TG: variants seen among roughly 807,000 people sequenced by gnomAD.
The protein encoded by TG is thyroglobulin, also known as thyroid hormones.
A neutral mutation model predicts 324.7 loss-of-function variants in TG; 270 were observed. The ratio of observed to expected loss-of-function variants is 0.83; its 90% CI spans 0.75 to 0.92. The LOEUF is 0.92. Ranked by LOEUF, TG falls within the 40% of genes least tolerant of loss-of-function variation. The pLI, the probability that TG is intolerant of heterozygous loss-of-function variation, is 0.00. For missense variants in TG, 3,591 were observed against 3,456.4 expected (o/e 1.04, Z -0.98); for synonymous variants, 1,401 against 1,327.0 (o/e 1.06, Z -1.21).
chr8:133,060,709 A>C (rs534601918), intron 41 of TG, among the ~76,000 whole-genome samples: 2 of 152,296 alleles, frequency 1.3e-5, no homozygotes, highest in African/African-American at 2.4e-5. Flanking sequence ...AAAGAGGAAA[A>C]CTTCATAACA....
chr8:133,090,124 A>G lies in TG; in HGVS notation c.7240-4920A>G, dbSNP rs185860147. 3 of 152,344 alleles carry G rather than the reference A, an allele frequency of 2.0e-5. No individual in the cohort carries two copies. The East Asian group carries it at 5.8e-4, about 29-fold the overall frequency. The allele number at this position is 152,344 out of a possible 1,614,324, so 9.4% of individuals were successfully genotyped here. A position where few individuals can be genotyped will look rare whatever the true frequency, so the allele number is the denominator to read the frequency against. On this transcript the variant is annotated intron_variant, in intron 41 of 47. Transcript: ENST00000220616. ...TTTGTGACTCACTTTGCCTGGAATA[A>G]AATAGAGTCAAAAGAAATACAAGGT...
At chr8:133,088,406 T>G (rs1427480643) in intron 41 of TG, among the ~76,000 whole-genome samples, 2 of 152,150 alleles carry the variant, frequency 1.3e-5, no homozygotes, top group African/African-American at 4.8e-5. Context: ...TAGCACAGTG[T>G]GGGGGGAACA....
At chr8:132,963,458 G>A (rs1828056969) in intron 29 of TG, among the ~76,000 whole-genome samples, 1 of 152,198 alleles carries the variant, frequency 6.6e-6, no homozygotes, top group Non-Finnish European at 1.5e-5. Context: ...TGACATGTCT[G>A]TGAGAATCTT....
At chr8:133,081,077 A>C (rs1437666398) in intron 41 of TG, among the ~76,000 whole-genome samples, 2 of 152,272 alleles carry the variant, frequency 1.3e-5, no homozygotes, top group Non-Finnish European at 2.9e-5. Flanking sequence ...GATGTTACTA[A>C]TACTACTTTA....
rs556346365 is a variant in TG, at chr8:132,967,072, C to T, written c.5686+375C>T. On this transcript the variant is annotated intron_variant, in intron 30 of 47. Transcript: ENST00000220616. The stretch of plus-strand genomic sequence containing the variant: ...CATCCATCCATCCATCCATCCCATT[C>T]ATCCGTCCATCTTTGCATCCCATCC... Among the ~76,000 whole-genome samples the T allele has an allele frequency of 3.4e-5, 5 of 147,000 alleles. No homozygotes were observed. The East Asian group carries it at 1.0e-3, about 30-fold the overall frequency.
chr8:133,009,578 T>C (rs890905837), intron 35 of TG, among the ~76,000 whole-genome samples: 1 of 152,044 alleles, frequency 6.6e-6, no homozygotes, highest in Non-Finnish European at 1.5e-5. Context: ...AGACTGAATG[T>C]TTGCATCCTC....
rs6993411 is a variant in TG, at chr8:132,976,169, G to T, written c.6199+3428G>T. Among the ~76,000 whole-genome samples the T allele has an allele frequency of 2.6e-5, 4 of 152,126 alleles. No individual in the cohort carries two copies. The East Asian group carries it at 7.7e-4, about 29-fold the overall frequency. Reference sequence around the variant, plus strand: ...TTGTGCTTGGGAGGTGTCTTAGTCCGTTTTGTGCTGCTATAACAGAATACC... The same window carrying T: ...TTGTGCTTGGGAGGTGTCTTAGTCCTTTTTGTGCTGCTATAACAGAATACC... On this transcript the variant is annotated intron_variant, in intron 34 of 47. Transcript: ENST00000220616.
chr8:133,055,512 T>G (rs2131278098), intron 41 of TG, among the ~76,000 whole-genome samples: 1 of 152,226 alleles, frequency 6.6e-6, no homozygotes, highest in Non-Finnish European at 1.5e-5. Context: ...GTGAGCCCTC[T>G]TAGTCATATG....
intron 3 of TG, 58 bp from the exon 4 acceptor site, chr8:132,871,290 C>A: frequency 1.3e-6 from 2 of 1,574,756 alleles, no homozygotes; most frequent in East Asian, 2.2e-5. Flanking sequence ...TTTTCCTGGG[C>A]TCTGCCCCCT....
At chr8:133,049,713 C>A in intron 41 of TG, 1 of 584,610 alleles carries the variant, frequency 1.7e-6, no homozygotes, top group Non-Finnish European at 3.1e-6. Flanking sequence ...GAAGTTGAGT[C>A]CCAGAGAGCA....
intron 43 of TG, among the ~76,000 whole-genome samples, chr8:133,108,978 C>A (rs1850053966): frequency 6.6e-6 from 1 of 152,186 alleles, no homozygotes; most frequent in African/African-American, 2.4e-5. Context: ...TCGTTGGGAT[C>A]TGTTAATAAT....
chr8:132,944,371 C>T (rs1383294414), intron 26 of TG, among the ~76,000 whole-genome samples: 1 of 152,226 alleles, frequency 6.6e-6, no homozygotes, highest in Non-Finnish European at 1.5e-5. Flanking sequence ...TCATCCTATT[C>T]AACTTTAGGC....
At chr8:133,008,534 A>G (rs1373109255) in intron 35 of TG, among the ~76,000 whole-genome samples, 3 of 152,266 alleles carry the variant, frequency 2.0e-5, no homozygotes, top group East Asian at 3.8e-4. Flanking sequence ...AAATTAATCA[A>G]TAAACCATAG....
intron 43 of TG, among the ~76,000 whole-genome samples, chr8:133,107,384 C>A (rs1849890871): frequency 6.6e-6 from 1 of 152,160 alleles, no homozygotes; most frequent in Admixed American, 6.5e-5. Context: ...AAGCACACAC[C>A]AAGGAGTGGC....
chr8:133,011,868 C>T (rs779016169), intron 35 of TG, 33 bp from the exon 36 acceptor site: 2 of 1,614,082 alleles, frequency 1.2e-6, no homozygotes, highest in African/African-American at 1.3e-5. Context: ...CAGGTGACAA[C>T]TGCATGTGAC....
chr8:132,915,193 A>G (rs1820114761), intron 20 of TG, among the ~76,000 whole-genome samples: 1 of 152,182 alleles, frequency 6.6e-6, no homozygotes, highest in South Asian at 2.1e-4. Context: ...TGGGTCTGGA[A>G]GCAGCCCCAG....
chr8:132,878,621 CA>C (rs558752062), intron 5 of TG, among the ~76,000 whole-genome samples: 8 of 140,034 alleles, frequency 5.7e-5, no homozygotes, highest in East Asian at 2.0e-4. Flanking sequence ...AAAAAAAAAA[CA>C]AAAAAAAAAC....
chr8:133,111,665 G>C (rs1367550104), intron 43 of TG, among the ~76,000 whole-genome samples: 2 of 152,168 alleles, frequency 1.3e-5, no homozygotes, highest in African/African-American at 4.8e-5. Flanking sequence ...TTATTCGTGA[G>C]TGCTATTTCA....
chr8:132,993,702 G>C (rs1832605096), intron 35 of TG, among the ~76,000 whole-genome samples: 1 of 152,174 alleles, frequency 6.6e-6, no homozygotes, highest in Non-Finnish European at 1.5e-5. Flanking sequence ...ACTCTTGCTA[G>C]ATCTTAGAGT....
Sources: allele counts gnomAD v4.1 joint callset (sites outside exome capture counted in the v4.1 genomes callset), GRCh38; gene constraint gnomAD v4.1.1; transcripts MANE v1.5; gene names NCBI Gene and HGNC (gene_info 2026-07-23, HGNC 2026-07-21).